The following SMYD3 variants were observed in gnomAD, a reference collection of about 807,000 sequenced individuals.
SMYD3 encodes histone-lysine N-methyltransferase SMYD3.
SMYD3 carries 36 observed loss-of-function variants against 57.7 expected under a neutral mutation model. That is an observed-to-expected ratio of 0.62 (90% CI 0.48 to 0.82). The LOEUF is 0.82. Ranked by LOEUF, SMYD3 falls within the 40% of genes least tolerant of loss-of-function variation. The pLI, the probability that SMYD3 is intolerant of heterozygous loss-of-function variation, is 0.00. For missense variants in SMYD3, 515 were observed against 538.8 expected, an observed-to-expected ratio of 0.96 and a Z score of 0.44; for synonymous variants, 211 against 195.0, an observed-to-expected ratio of 1.08 and a Z score of -0.68.
intron 5 of SMYD3, among the ~76,000 whole-genome samples, chr1:245,984,434 C>T (rs375534232): frequency 6.6e-6 from 1 of 152,230 alleles, no homozygotes; most frequent in East Asian, 1.9e-4. Flanking sequence ...CCCGCAGAAG[C>T]ACCTCCCCTC....
chr1:246,332,131 A>G (rs1238622329), intron 3 of SMYD3, among the ~76,000 whole-genome samples: 1 of 152,244 alleles, frequency 6.6e-6, no homozygotes, highest in African/African-American at 2.4e-5. Flanking sequence ...ATCAAAAGCT[A>G]GAAAAATGAG....
chr1:246,412,963 A>C (rs1157889100), intron 1 of SMYD3, among the ~76,000 whole-genome samples: 1 of 152,174 alleles, frequency 6.6e-6, no homozygotes, highest in Admixed American at 6.5e-5. Flanking sequence ...CCTGATAAGG[A>C]AGGTTACCCA....
intron 5 of SMYD3, chr1:245,930,174 A>C (rs1572718995): frequency 3.6e-6 from 2 of 555,034 alleles, no homozygotes; most frequent in East Asian, 3.7e-5. Context: ...AAAAAAAAAA[A>C]AAACAGACGG....
chr1:245,887,746 T>C (rs1227770562), intron 8 of SMYD3, among the ~76,000 whole-genome samples: 1 of 152,204 alleles, frequency 6.6e-6, no homozygotes, highest in African/African-American at 2.4e-5. Flanking sequence ...TCTGGGTATC[T>C]ATCTCCACAT....
chr1:246,458,560 C>T (rs2067740978), intron 1 of SMYD3, among the ~76,000 whole-genome samples: 1 of 149,322 alleles, frequency 6.7e-6, no homozygotes, highest in South Asian at 2.1e-4. Flanking sequence ...CATTCTCCTG[C>T]CTCAGTCTCC....
chr1:246,110,400 A>G lies in SMYD3; in HGVS notation c.532-180463T>C, dbSNP rs954390883. On this transcript the variant is annotated intron_variant, in intron 5 of 11. Transcript: ENST00000490107. ...GGGAGTGGGTAGATGAATGGCAGAC[A>G]GCTGAAAGAACACTCAGGGGGCTAC... Among the ~76,000 whole-genome samples, 17 of 152,250 alleles carry G rather than the reference A, an allele frequency of 1.1e-4. 1 individual carries two copies. Among genetic ancestry groups the G allele is most frequent in the Middle Eastern group, 3.2e-3 (1 of 316 alleles).
rs1038231848 is a variant in SMYD3 at position 245,820,311 on chromosome 1, T to C, written c.1076+38185A>G. ...GACAAAAACCAAATGACTATCTCAA[T>C]AGATGCAGAAAAGGCCTTTGACAAA... On this transcript the variant is annotated intron_variant, in intron 10 of 11. Transcript: ENST00000490107. Among the ~76,000 whole-genome samples the C allele has an allele frequency of 4.6e-5, 7 of 151,500 alleles. No homozygotes were observed. In the South Asian group the frequency reaches 8.5e-4, roughly 18 times the overall value.
intron 10 of SMYD3, among the ~76,000 whole-genome samples, chr1:245,774,972 G>A (rs2046508939): frequency 6.6e-6 from 1 of 152,160 alleles, no homozygotes; most frequent in Non-Finnish European, 1.5e-5. Flanking sequence ...CGGAGGTGCA[G>A]GGATTGCAGA....
rs143801729 is a variant in SMYD3 at position 245,987,950 on chromosome 1, C to T, written c.532-58013G>A. 2.5e-4 allele frequency among the ~76,000 whole-genome samples: 38 copies of T among 152,326 alleles called. No individual in the cohort carries two copies. In the East Asian group the frequency reaches 7.1e-3, roughly 29 times the overall value. ...TCTACGGTCCCACTCACAGACTCTG[C>T]TTCAGCTGATCTGGCATGGAGGCCA... On this transcript the variant is annotated intron_variant, in intron 5 of 11. Coordinates refer to ENST00000490107, the MANE Select transcript of SMYD3 (RefSeq NM_001167740.2).
chr1:246,134,154 T>C (rs1480132944), intron 5 of SMYD3, among the ~76,000 whole-genome samples: 2 of 152,144 alleles, frequency 1.3e-5, no homozygotes, highest in Admixed American at 1.3e-4. Flanking sequence ...TGTCACCTGC[T>C]GTATTACATT....
At chr1:246,072,279 T>C (rs889085981) in intron 5 of SMYD3, among the ~76,000 whole-genome samples, 1 of 143,362 alleles carries the variant, frequency 7.0e-6, no homozygotes, top group African/African-American at 2.5e-5. Context: ...CTGTGCTCAC[T>C]GTGGATGCAT....
intron 5 of SMYD3, among the ~76,000 whole-genome samples, chr1:246,299,375 C>T (rs144862492): frequency 1.6e-3 from 240 of 152,166 alleles, no homozygotes; most frequent in African/African-American, 5.3e-3. Context: ...GAAAAAGGAA[C>T]GCTTACAAAC....
At chr1:246,381,138 C>A (rs867386226) in intron 1 of SMYD3, among the ~76,000 whole-genome samples, 1 of 152,138 alleles carries the variant, frequency 6.6e-6, no homozygotes, top group African/African-American at 2.4e-5. Flanking sequence ...AAAACTGACA[C>A]TCTCTGACTC....
intron 7 of SMYD3, among the ~76,000 whole-genome samples, chr1:245,920,031 A>G (rs2055748060): frequency 6.6e-6 from 1 of 152,202 alleles, no homozygotes. Context: ...GAGCAAGTTA[A>G]GGCCGGCCAC....
intron 5 of SMYD3, among the ~76,000 whole-genome samples, chr1:246,043,109 C>T (rs1012296063): frequency 6.6e-6 from 1 of 150,924 alleles, no homozygotes; most frequent in East Asian, 1.9e-4. Flanking sequence ...AACACCTGCA[C>T]TTAAGTATGC....
intron 2 of SMYD3, among the ~76,000 whole-genome samples, chr1:246,340,982 C>T (rs1389517123): frequency 6.6e-6 from 1 of 151,410 alleles, no homozygotes; most frequent in East Asian, 1.9e-4. Context: ...AGTGAGACCC[C>T]AGGTCTCAGG....
chr1:245,998,392 T>C (rs1044973325), intron 5 of SMYD3, among the ~76,000 whole-genome samples: 3 of 152,224 alleles, frequency 2.0e-5, no homozygotes, highest in Admixed American at 6.5e-5. Flanking sequence ...TAGGGACTCA[T>C]GTCTGAAGCA....
rs544048490 is a variant in SMYD3 at position 246,233,299 on chromosome 1, T to C, written c.531+93902A>G. 1.5e-4 allele frequency among the ~76,000 whole-genome samples: 18 copies of C among 120,154 alleles called. 1 individual carries two copies. Among genetic ancestry groups the C allele is most frequent in the East Asian group, 8.7e-4 (2 of 2,290 alleles). 78.8% of individuals were successfully genotyped at this position (120,154 alleles called of 152,430 possible). A position where few individuals can be genotyped will look rare whatever the true frequency, so the allele number is the denominator to read the frequency against. Reference sequence around the variant, plus strand: ...ATACCACACAGAGGAGAAGCGCTCCTCAATTCACACTGTGATGAACATATA... The same window carrying C: ...ATACCACACAGAGGAGAAGCGCTCCCCAATTCACACTGTGATGAACATATA... On this transcript the variant is annotated intron_variant, in intron 5 of 11. Transcript: ENST00000490107.
chr1:245,781,993 A>C (rs2046847844), intron 10 of SMYD3, among the ~76,000 whole-genome samples: 1 of 151,906 alleles, frequency 6.6e-6, no homozygotes, highest in African/African-American at 2.4e-5. Context: ...AACTAATCAA[A>C]ATTTTTTTTA....
Sources: allele counts gnomAD v4.1 joint callset (sites outside exome capture counted in the v4.1 genomes callset), GRCh38; gene constraint gnomAD v4.1.1; transcripts MANE v1.5; gene names NCBI Gene and HGNC (gene_info 2026-07-23, HGNC 2026-07-21).